COL4A5: variants seen among roughly 807,000 people sequenced by gnomAD.
COL4A5 encodes collagen alpha-5(IV) chain.
A neutral mutation model predicts 130.2 loss-of-function variants in COL4A5; 26 were observed. The observed-to-expected ratio is 0.20, with a 90% CI of 0.15 to 0.28. The LOEUF is 0.28. COL4A5 is among the 10% of genes least tolerant of loss of function. The pLI is 1.00. For missense variants in COL4A5, 1,131 were observed against 1,344.3 expected (o/e 0.84, Z 2.48); for synonymous variants, 496 against 439.6 (o/e 1.13, Z -1.60).
intron 49 of COL4A5, among the ~76,000 whole-genome samples, 180 bp downstream of exon 49, chrX:108,687,874 A>C (rs964197110): frequency 2.7e-5 from 3 of 112,379 alleles, no homozygotes; most frequent in Non-Finnish European, 3.8e-5. Flanking sequence ...AATAATATTT[A>C]ACCTTAAACT....
At chrX:108,443,201 A>G (rs1349994682) in intron 1 of COL4A5, 1 of 112,267 alleles carries the variant, frequency 8.9e-6, no homozygotes, top group Non-Finnish European at 1.9e-5. Context: ...GCCTAGAATA[A>G]AAAGATCAGA....
chrX:108,507,528 G>A (rs1199760515), intron 1 of COL4A5, among the ~76,000 whole-genome samples: 1 of 111,839 alleles, frequency 8.9e-6, no homozygotes, highest in Non-Finnish European at 1.9e-5. Context: ...CAACATTCCG[G>A]CCGGGCATGG....
At chrX:108,615,045 C>T (rs1469320837) in intron 30 of COL4A5, 21 bp downstream of exon 30, 1 of 1,021,642 alleles carries the variant, frequency 9.8e-7, no homozygotes, top group South Asian at 1.9e-5. Flanking sequence ...AGTAAATGTG[C>T]ATTTTGTAGC....
At chrX:108,672,894 ACT>A (rs10617042) in intron 42 of COL4A5, among the ~76,000 whole-genome samples, 11,549 of 111,179 alleles carry the variant, frequency 0.1, 1,289 homozygotes, top group African/African-American at 0.34. Flanking sequence ...TTGTGGCCAG[ACT>A]CTGCTCTAAG....
At chrX:108,610,626 T>C (rs1237420393) in intron 29 of COL4A5, among the ~76,000 whole-genome samples, 1 of 111,653 alleles carries the variant, frequency 9.0e-6, no homozygotes, top group Admixed American at 9.5e-5. Context: ...ATTTTGTTTG[T>C]ATATATTCTT....
chrX:108,642,664 A>C (rs1311694214), intron 36 of COL4A5, among the ~76,000 whole-genome samples: 1 of 109,840 alleles, frequency 9.1e-6, no homozygotes, highest in Non-Finnish European at 1.9e-5. Flanking sequence ...CCTCACAGGA[A>C]GCCACATCCA....
At chrX:108,611,401 C>T (rs769911278) in intron 29 of COL4A5, among the ~76,000 whole-genome samples, 116 of 110,515 alleles carry the variant, frequency 1.0e-3, no homozygotes, top group African/African-American at 3.5e-3. Flanking sequence ...AAAGGTGTTC[C>T]GGGCAGCAAG....
At chrX:108,609,669 C>T (rs2066794873) in intron 29 of COL4A5, among the ~76,000 whole-genome samples, 1 of 110,981 alleles carries the variant, frequency 9.0e-6, no homozygotes, top group African/African-American at 3.3e-5. Context: ...CCAAAGTTGC[C>T]AAGGTATTCT....
intron 44 of COL4A5, among the ~76,000 whole-genome samples, chrX:108,678,460 ACCTGC>A (rs1394624713): frequency 8.9e-6 from 1 of 111,839 alleles, no homozygotes; most frequent in Admixed American, 9.6e-5. Context: ...AGTAAGTTTC[ACCTGC>A]TATACCCCTT....
At position 108,614,787 on chromosome X, in the gene COL4A5, T is replaced by C. The variant is rs547228323; in HGVS notation, c.2396-124T>C. The C allele has an allele frequency of 7.6e-5, 40 of 523,553 alleles. No individual in the cohort carries two copies. The South Asian group carries it at 9.7e-4, about 13-fold the overall frequency. The allele number at this position is 523,553 out of a possible 1,213,427, so 43.1% of individuals were successfully genotyped here. On this transcript the variant is annotated intron_variant, in intron 29 of 52. Transcript: ENST00000328300. ...CCCTATCCTTTGCTCTTGATACTTA[T>C]GTGTACTTTTCTTGCTGAATGAATG... is the stretch of plus-strand genomic sequence containing the variant.
At chrX:108,446,868 C>T (rs1158398085) in intron 1 of COL4A5, among the ~76,000 whole-genome samples, 1 of 111,824 alleles carries the variant, frequency 8.9e-6, no homozygotes, top group Non-Finnish European at 1.9e-5. Context: ...TCCATTGGCT[C>T]ATCTTTTAAT....
At chrX:108,554,509 C>G (rs910016829) in intron 2 of COL4A5, among the ~76,000 whole-genome samples, 1 of 111,352 alleles carries the variant, frequency 9.0e-6, no homozygotes, top group Admixed American at 9.6e-5. Context: ...GTATACAACT[C>G]GAGATGAGAT....
At position 108,622,731 on chromosome X, in the gene COL4A5, T is replaced by C. The variant is rs1295043040; in HGVS notation, c.2823T>C (p.Gly941=). 1.5e-5 allele frequency: 18 copies of C among 1,210,466 alleles called. No homozygotes were observed. The highest frequency in any genetic ancestry group is 2.0e-5 in the Non-Finnish European group (18 of 894,668). ...PGLPGPTGEK[G]SKGEPGLPGP... is the part of the protein sequence containing the mutation. ...TTCCTGGCCCTACAGGAGAAAAAGG[T>C]AGTAAAGGAGAGCCTGGCCTTCCAG... The change falls in exon 33 of 53, where the codon GGT becomes GGC. Residue 941 remains glycine, a synonymous_variant. Coordinates refer to ENST00000328300, the MANE Select transcript of COL4A5 (RefSeq NM_033380.3).
intron 19 of COL4A5, among the ~76,000 whole-genome samples, chrX:108,589,465 G>A (rs28575048): frequency 0.11 from 11,746 of 109,977 alleles, 1,348 homozygotes; most frequent in African/African-American, 0.34. Flanking sequence ...AATTTGAAAG[G>A]ACTAAACACT....
chrX:108,689,558 T>C, intron 49 of COL4A5: 4 of 754,517 alleles, frequency 5.3e-6, no homozygotes, highest in Non-Finnish European at 4.7e-6. Context: ...AGGAAGGCCA[T>C]GACGGAGCCC....
rs761696427 is a variant in COL4A5 at position 108,609,756 on chromosome X, G to A, written c.2395+2864G>A. 1.1e-4 allele frequency among the ~76,000 whole-genome samples: 12 copies of A among 110,699 alleles called. No individual in the cohort carries two copies. The South Asian group carries it at 4.6e-3, about 42-fold the overall frequency. On this transcript the variant is annotated intron_variant, in intron 29 of 52. Coordinates refer to ENST00000328300, the MANE Select transcript of COL4A5 (RefSeq NM_033380.3). Reference sequence around the variant, plus strand: ...ACACATGTCAAATAATTTTTGTTCAGCATCATTTGTTTAAAATAATCCCCT... The same window carrying A: ...ACACATGTCAAATAATTTTTGTTCAACATCATTTGTTTAAAATAATCCCCT...
intron 29 of COL4A5, 114 bp downstream of exon 29, chrX:108,607,006 C>A: frequency 1.4e-6 from 1 of 721,018 alleles, no homozygotes; most frequent in Non-Finnish European, 2.2e-6. Flanking sequence ...TGCTGCCATT[C>A]TGTTACTGCT....
intron 39 of COL4A5, among the ~76,000 whole-genome samples, chrX:108,666,919 A>G (rs2068093275): frequency 8.9e-6 from 1 of 112,487 alleles, no homozygotes; most frequent in Non-Finnish European, 1.9e-5. Context: ...GCATATAGAT[A>G]TATTTAACAT....
chrX:108,546,313 A>G (rs1431871561), intron 2 of COL4A5, among the ~76,000 whole-genome samples: 1 of 111,824 alleles, frequency 8.9e-6, no homozygotes, highest in Non-Finnish European at 1.9e-5. Context: ...GGTGGTGACA[A>G]AATCTCTCAG....
Sources: gnomAD v4.1 joint callset for allele counts (sites outside exome capture counted in the v4.1 genomes callset) on GRCh38, gnomAD v4.1.1 for gene constraint, MANE v1.5 for transcripts, NCBI Gene and HGNC (gene_info 2026-07-23, HGNC 2026-07-21) for gene names.